ASAP2: variants seen among roughly 807,000 people sequenced by gnomAD.
The protein encoded by ASAP2 is ArfGAP with SH3 domain, ankyrin repeat and PH domain 2.
In ASAP2, 45 loss-of-function variants were observed where a neutral mutation model predicts 131.4. The ratio of observed to expected loss-of-function variants is 0.34; its 90% CI spans 0.27 to 0.44. ASAP2 has a LOEUF of 0.44. ASAP2 is among the 20% of genes least tolerant of loss of function. The pLI is 1.00. For missense variants in ASAP2, 1,011 were observed against 1,297.0 expected, an observed-to-expected ratio of 0.78 and a Z score of 3.39; for synonymous variants, 510 against 503.0, an observed-to-expected ratio of 1.01 and a Z score of -0.19.
intron 2 of ASAP2, among the ~76,000 whole-genome samples, chr2:9,292,875 A>G (rs544901915): frequency 3.0e-4 from 45 of 152,250 alleles, no homozygotes; most frequent in African/African-American, 1.0e-3. Context: ...ATGAAAAAGG[A>G]GGTGATTGAA....
chr2:9,224,813 G>A (rs1243081615), intron 1 of ASAP2, among the ~76,000 whole-genome samples: 1 of 152,102 alleles, frequency 6.6e-6, no homozygotes, highest in African/African-American at 2.4e-5. Flanking sequence ...CCATCTTTGG[G>A]ACAGACCTGG....
At chr2:9,388,587 C>A (rs1675482088) in intron 22 of ASAP2, 41 bp downstream of exon 22, 2 of 1,582,690 alleles carry the variant, frequency 1.3e-6, no homozygotes, top group East Asian at 2.2e-5. Context: ...TATAGAGGGT[C>A]TTGTTTTGTG....
In ASAP2 at chr2:9,350,855, G is replaced by C; in HGVS notation, c.1071G>C (p.Lys357Asn). Residue 357 changes from lysine (K) to asparagine (N), a missense_variant, in exon 12 of 28, where the codon AAG becomes AAC. Lys to Asn is a moderately conservative substitution (Grantham distance 94). Coordinates refer to ENST00000281419, the MANE Select transcript of ASAP2 (RefSeq NM_003887.3). Reference protein sequence around the residue: ...AKLNLLTCQVKTNPEEKKCFD... With the variant: ...AKLNLLTCQVNTNPEEKKCFD... ...TCAACCTGCTAACCTGCCAGGTGAA[G>C]ACCAACCCTGAGGAGAAGAAGTGCT... The C allele has an allele frequency of 6.2e-7, 1 of 1,613,626 alleles. No homozygotes were observed. The highest frequency in any genetic ancestry group is 8.5e-7 in the Non-Finnish European group (1 of 1,179,680).
At chr2:9,250,774 T>G (rs1221917253) in intron 1 of ASAP2, among the ~76,000 whole-genome samples, 1 of 152,206 alleles carries the variant, frequency 6.6e-6, no homozygotes, top group Non-Finnish European at 1.5e-5. Flanking sequence ...TTAATCTGCC[T>G]TGTGGAATTA....
At chr2:9,401,014 A>C (rs1326843759) in intron 26 of ASAP2, among the ~76,000 whole-genome samples, 184 bp downstream of exon 26, 1 of 152,044 alleles carries the variant, frequency 6.6e-6, no homozygotes, top group African/African-American at 2.4e-5. Flanking sequence ...CCGCAGCTCC[A>C]CAATGGGCCC....
At chr2:9,367,204 T>C (rs540934633) in intron 15 of ASAP2, among the ~76,000 whole-genome samples, 5 of 151,850 alleles carry the variant, frequency 3.3e-5, no homozygotes, top group Admixed American at 1.3e-4. Context: ...CTAATTTCTT[T>C]TGTATTTTAG....
chr2:9,396,362 C>T (rs1676147200), intron 24 of ASAP2, among the ~76,000 whole-genome samples: 1 of 152,046 alleles, frequency 6.6e-6, no homozygotes, highest in Non-Finnish European at 1.5e-5. Flanking sequence ...GCAGCCTCGA[C>T]CTCCTGGGCC....
intron 2 of ASAP2, among the ~76,000 whole-genome samples, chr2:9,292,847 G>T (rs575881462): frequency 6.6e-6 from 1 of 152,324 alleles, no homozygotes; most frequent in Non-Finnish European, 1.5e-5. Context: ...GCTGGAAATA[G>T]TAAGTTTTAT....
intron 3 of ASAP2, among the ~76,000 whole-genome samples, chr2:9,317,702 C>CCA (rs775002138): frequency 2.3e-4 from 34 of 150,760 alleles, no homozygotes; most frequent in African/African-American, 8.3e-4. Flanking sequence ...CCTCACACGC[C>CCA]CACACACACC....
At position 9,232,079 on chromosome 2, in the gene ASAP2, A is replaced by G. The variant is rs538149449; in HGVS notation, c.126+24849A>G. 1.1e-3 allele frequency among the ~76,000 whole-genome samples: 164 copies of G among 152,292 alleles called. No individual in the cohort carries two copies. Among genetic ancestry groups the G allele is most frequent in the Non-Finnish European group, 2.1e-3 (142 of 68,020 alleles). ...AACAGCCTCTGCTCCCACTGAGGTC[A>G]TGGTGATTGTCTTAAAGATTTGCTC... is the stretch of plus-strand genomic sequence containing the variant. On this transcript the variant is annotated intron_variant, in intron 1 of 27. Coordinates refer to ENST00000281419, the MANE Select transcript of ASAP2 (RefSeq NM_003887.3). This position sits in a 1 kb window ranked among gnomAD's most constrained non-coding sequence, Gnocchi z 4.1.
intron 2 of ASAP2, among the ~76,000 whole-genome samples, chr2:9,287,393 A>C (rs560378061): frequency 6.6e-6 from 1 of 152,346 alleles, no homozygotes; most frequent in African/African-American, 2.4e-5. Context: ...TTCATTATTT[A>C]GTTGTAAGAG....
intron 3 of ASAP2, among the ~76,000 whole-genome samples, chr2:9,309,611 C>T (rs1669162607): frequency 6.6e-6 from 1 of 152,166 alleles, no homozygotes; most frequent in Non-Finnish European, 1.5e-5. Flanking sequence ...TCAAGTCATA[C>T]TTTAAATGTG....
intron 1 of ASAP2, among the ~76,000 whole-genome samples, chr2:9,262,906 C>A (rs139673224): frequency 4.9e-4 from 75 of 152,336 alleles, no homozygotes; most frequent in African/African-American, 1.8e-3. Context: ...TATCTTACAT[C>A]TCCTCTCCCC....
At chr2:9,307,233 C>T (rs1669003949) in intron 3 of ASAP2, among the ~76,000 whole-genome samples, 1 of 152,090 alleles carries the variant, frequency 6.6e-6, no homozygotes, top group Non-Finnish European at 1.5e-5. Flanking sequence ...GGGATAGGGC[C>T]CAGGGTTTTG....
chr2:9,318,697 T>C (rs757037797), intron 4 of ASAP2, 99 bp downstream of exon 4: 67 of 725,192 alleles, frequency 9.2e-5, no homozygotes, highest in East Asian at 5.6e-4. Flanking sequence ...TACGTTCTCA[T>C]TGGGACGATA....
chr2:9,376,834 C>T lies in ASAP2; in HGVS notation c.1747-74C>T, dbSNP rs116758074. 142 of 1,337,888 alleles carry T rather than the reference C, an allele frequency of 1.1e-4. No homozygotes were observed. In the African/African-American group the frequency reaches 1.8e-3, roughly 17 times the overall value. The allele number at this position is 1,337,888 out of a possible 1,614,324, so 82.9% of individuals were successfully genotyped here. A position where few individuals can be genotyped will look rare whatever the true frequency, so the allele number is the denominator to read the frequency against. On this transcript the variant is annotated intron_variant, in intron 17 of 27. Coordinates refer to ENST00000281419, the MANE Select transcript of ASAP2 (RefSeq NM_003887.3). The stretch of plus-strand genomic sequence containing the variant: ...AAAAGACTTTTGGAAGAGTTGTACA[C>T]GATTTCACCGGTGTTGGACACAGAA...
At chr2:9,337,669 G>GCT (rs1671299190) in intron 9 of ASAP2, among the ~76,000 whole-genome samples, 1 of 152,178 alleles carries the variant, frequency 6.6e-6, no homozygotes, top group Non-Finnish European at 1.5e-5. Flanking sequence ...AAGGAATGAA[G>GCT]AGTGGCCATT....
At chr2:9,370,030 G>T (rs1017521177) in intron 16 of ASAP2, among the ~76,000 whole-genome samples, 20 of 152,100 alleles carry the variant, frequency 1.3e-4, no homozygotes, top group African/African-American at 4.8e-4. Flanking sequence ...AGTAGAGATG[G>T]GGTTTCACCA....
intron 1 of ASAP2, among the ~76,000 whole-genome samples, chr2:9,241,243 A>C (rs1244642403): frequency 1.3e-5 from 2 of 152,202 alleles, no homozygotes; most frequent in African/African-American, 4.8e-5. Context: ...TGTGTGCTGG[A>C]AGATATTTTG....
Sources: allele counts gnomAD v4.1 joint callset (sites outside exome capture counted in the v4.1 genomes callset), GRCh38; gene constraint gnomAD v4.1.1; non-coding constraint Gnocchi (gnomAD v3.1); transcripts MANE v1.5; gene names NCBI Gene and HGNC (gene_info 2026-07-23, HGNC 2026-07-21).